TAS2R1: variants seen among roughly 807,000 people sequenced by gnomAD.
The protein encoded by TAS2R1 is taste receptor type 2 member 1.
For synonymous variants in TAS2R1, 141 were observed against 134.2 expected, an observed-to-expected ratio of 1.05 and a Z score of -0.35; for missense variants, 370 against 353.4, an observed-to-expected ratio of 1.05 and a Z score of -0.38.
chr5:9,730,920 G>A, the TAS2R1 span, among the ~76,000 whole-genome samples: 2 of 152,124 alleles, frequency 1.3e-5, no homozygotes, highest in African/African-American at 4.8e-5. Flanking sequence ...TGCCATTTAA[G>A]GGATGCCATT....
intron 2 of TAS2R1, among the ~76,000 whole-genome samples, chr5:9,639,466 T>A (rs1402850147): frequency 6.6e-6 from 1 of 152,138 alleles, no homozygotes; most frequent in Non-Finnish European, 1.5e-5. Flanking sequence ...TCACAGTTTT[T>A]TGCCTGTTTT....
At chr5:9,865,849 C>CA in the TAS2R1 span, among the ~76,000 whole-genome samples, 21 of 152,284 alleles carry the variant, frequency 1.4e-4, no homozygotes, top group African/African-American at 5.1e-4. Context: ...GTTTGGTGTT[C>CA]AAAAATGACA....
chr5:9,830,177 TTGGA>T, the TAS2R1 span, among the ~76,000 whole-genome samples: 419 of 132,608 alleles, frequency 3.2e-3, 2 homozygotes, highest in African/African-American at 9.7e-3. Flanking sequence ...AGAGAACAGA[TTGGA>T]TGGATGGATG....
intron 2 of TAS2R1, among the ~76,000 whole-genome samples, chr5:9,656,743 A>T (rs1740424325): frequency 6.6e-6 from 1 of 152,204 alleles, no homozygotes; most frequent in African/African-American, 2.4e-5. Context: ...TTGACATATA[A>T]AATCAACCAC....
At chr5:9,753,908 T>C in the TAS2R1 span, among the ~76,000 whole-genome samples, 3 of 152,344 alleles carry the variant, frequency 2.0e-5, no homozygotes, top group African/African-American at 7.2e-5. Flanking sequence ...TTGGTCTATA[T>C]ATCTGTTTTG....
the TAS2R1 span, among the ~76,000 whole-genome samples, chr5:9,841,103 T>C: frequency 6.6e-6 from 1 of 152,168 alleles, no homozygotes; most frequent in South Asian, 2.1e-4. Context: ...CATATTCATT[T>C]AGAAGTCAGC....
intron 1 of TAS2R1, among the ~76,000 whole-genome samples, chr5:9,693,312 C>A (rs766587360): frequency 1.3e-5 from 2 of 151,852 alleles, no homozygotes; most frequent in Non-Finnish European, 2.9e-5. Context: ...AGTTCAGGAC[C>A]AGCCTGACCA....
chr5:9,758,635 T>A, the TAS2R1 span, among the ~76,000 whole-genome samples: 1 of 152,142 alleles, frequency 6.6e-6, no homozygotes, highest in Non-Finnish European at 1.5e-5. Flanking sequence ...GAGGAATAAA[T>A]TAGTATCCGT....
chr5:9,878,328 C>A, the TAS2R1 span, among the ~76,000 whole-genome samples: 9,373 of 152,168 alleles, frequency 0.062, 460 homozygotes, highest in Admixed American at 0.15. Context: ...CACTTAGCAC[C>A]CCCGCCCAGG....
the TAS2R1 span, among the ~76,000 whole-genome samples, chr5:9,831,621 G>GGTTT: frequency 6.8e-6 from 1 of 147,800 alleles, no homozygotes; most frequent in Non-Finnish European, 1.5e-5. Context: ...GCATGTTTCT[G>GGTTT]TTTTTTTTTC....
the TAS2R1 span, among the ~76,000 whole-genome samples, chr5:9,803,354 T>C: frequency 1.2e-3 from 181 of 152,346 alleles, no homozygotes; most frequent in African/African-American, 4.2e-3. Context: ...CCTGGCCTGC[T>C]AGAGATCTAG....
chr5:9,857,933 C>T, the TAS2R1 span, among the ~76,000 whole-genome samples: 1 of 152,204 alleles, frequency 6.6e-6, no homozygotes, highest in South Asian at 2.1e-4. Flanking sequence ...TGAGCAGACC[C>T]TGGTGCCTGG....
chr5:9,791,692 C>A, the TAS2R1 span, among the ~76,000 whole-genome samples: 1 of 151,962 alleles, frequency 6.6e-6, no homozygotes, highest in East Asian at 1.9e-4. Context: ...AAGCAAGACT[C>A]CATCTAAAAA....
chr5:9,639,780 AC>A (rs1447662920), intron 2 of TAS2R1, among the ~76,000 whole-genome samples: 1 of 152,098 alleles, frequency 6.6e-6, no homozygotes, highest in Non-Finnish European at 1.5e-5. Context: ...CTAACTTCAA[AC>A]TTTTCTTCTG....
the TAS2R1 span, among the ~76,000 whole-genome samples, chr5:9,894,309 C>G: frequency 0.094 from 14,347 of 152,018 alleles, 674 homozygotes; most frequent in African/African-American, 0.099. Context: ...GAGGCTGAGG[C>G]AGGAGAATCG....
At chr5:9,811,146 T>A in the TAS2R1 span, among the ~76,000 whole-genome samples, 3 of 152,148 alleles carry the variant, frequency 2.0e-5, no homozygotes, top group Non-Finnish European at 4.4e-5. Flanking sequence ...TGTATCTTTC[T>A]AAAAGAGGCC....
At chr5:9,852,009 A>G in the TAS2R1 span, among the ~76,000 whole-genome samples, 1 of 152,216 alleles carries the variant, frequency 6.6e-6, no homozygotes, top group Non-Finnish European at 1.5e-5. Flanking sequence ...ATAAGAGAGA[A>G]GAGAAGAAGA....
chr5:9,767,711 C>A, the TAS2R1 span, among the ~76,000 whole-genome samples: 1 of 152,062 alleles, frequency 6.6e-6, no homozygotes, highest in African/African-American at 2.4e-5. Context: ...TGGTGGATCA[C>A]TTGAGGTCAG....
the TAS2R1 span, among the ~76,000 whole-genome samples, chr5:9,763,490 C>A: frequency 6.6e-6 from 1 of 150,836 alleles, no homozygotes; most frequent in African/African-American, 2.5e-5. Context: ...GGTGACAGAG[C>A]GAGACTCCAT....
Sources: gnomAD v4.1 joint callset for allele counts (sites outside exome capture counted in the v4.1 genomes callset) on GRCh38, gnomAD v4.1.1 for gene constraint, MANE v1.5 for transcripts, NCBI Gene and HGNC (gene_info 2026-07-23, HGNC 2026-07-21) for gene names.